The following ZBTB46 variants were observed in gnomAD, a reference collection of about 807,000 sequenced individuals.
The protein encoded by ZBTB46 is zinc finger and BTB domain containing 46.
Under a neutral mutation model 44.1 loss-of-function variants are expected in ZBTB46, and 8 were observed. That is an observed-to-expected ratio of 0.18 (90% CI 0.11 to 0.33). ZBTB46 has a LOEUF of 0.33. ZBTB46 is among the 10% of genes least tolerant of loss of function. ZBTB46 has a pLI of 1.00. For missense variants in ZBTB46, 651 were observed against 847.7 expected (o/e 0.77, Z 2.88); for synonymous variants, 409 against 382.3 (o/e 1.07, Z -0.81).
In ZBTB46 at chr20:63,790,987, C is replaced by T. The variant is rs2092556428; in HGVS notation, c.-33-197G>A. ...GCAGGGCAGCAAACACCGGAGGGCA[C>T]CAGTGCGTCCAGGGTGGGACGTCTG... is the stretch of plus-strand genomic sequence containing the variant. On this transcript the variant is annotated intron_variant, in intron 1 of 4. Transcript: ENST00000245663. 13 of 680,220 alleles carry T rather than the reference C, an allele frequency of 1.9e-5. 1 individual carries two copies. The East Asian group carries it at 3.9e-4, about 20-fold the overall frequency. The allele number at this position is 680,220 out of a possible 1,614,324, so 42.1% of individuals were successfully genotyped here.
chr20:63,823,909 T>C (rs1158299747), intron 1 of ZBTB46, among the ~76,000 whole-genome samples: 2 of 145,562 alleles, frequency 1.4e-5, no homozygotes, highest in African/African-American at 5.1e-5. Flanking sequence ...CTGCTCCGTT[T>C]TCTGTTTGTA....
rs200443092 is a variant in ZBTB46 at position 63,775,678 on chromosome 20, G to A, written c.1222C>T (p.Leu408=). The A allele has an allele frequency of 2.2e-5, 34 of 1,563,748 alleles. No homozygotes were observed. In the Admixed American group the frequency reaches 3.3e-4, roughly 15 times the overall value. The change falls in exon 3 of 5, where the codon CTG becomes TTG. Residue 408 remains leucine (L), a splice_region_variant and synonymous_variant. Transcript: ENST00000245663. ...YLPRGAHSLS[L]NEFTVIRKKF... Reference sequence around the variant, plus strand: ...AGCGGCCCCCAGGGCCTGCACTTACGGGACAGCGAGTGGGCCCCTCTGGGC... The same window carrying A: ...AGCGGCCCCCAGGGCCTGCACTTACAGGACAGCGAGTGGGCCCCTCTGGGC...
At chr20:63,768,948 G>GA (rs534255729) in intron 3 of ZBTB46, among the ~76,000 whole-genome samples, 1 of 152,130 alleles carries the variant, frequency 6.6e-6, no homozygotes, top group Non-Finnish European at 1.5e-5. Context: ...TACATTAAGG[G>GA]AAAAAAATTG....
chr20:63,800,577 G>A (rs2092635898), intron 1 of ZBTB46, among the ~76,000 whole-genome samples: 1 of 152,244 alleles, frequency 6.6e-6, no homozygotes, highest in African/African-American at 2.4e-5. Context: ...AGGCGTGGGC[G>A]GGAACCGGGG....
At chr20:63,809,823 C>T (rs2092707541) in intron 1 of ZBTB46, among the ~76,000 whole-genome samples, 2 of 151,956 alleles carry the variant, frequency 1.3e-5, no homozygotes, top group Admixed American at 1.3e-4. Flanking sequence ...ATTAGCCGGG[C>T]ATGGTGGTGC....
At chr20:63,747,510 CCA>C (rs2092113803) in intron 4 of ZBTB46, among the ~76,000 whole-genome samples, 6 of 18,418 alleles carry the variant, frequency 3.3e-4, no homozygotes, top group East Asian at 5.9e-3. Context: ...GGGAGGGGGG[CCA>C]GGGGGTGAGC....
rs1277071717 is a variant in ZBTB46 at position 63,747,508 on chromosome 20, GGC to G, written c.1399-209_1399-208del. ...AGGGCCCGGTGGAGGTTGGGAGGGG[GGC>G]CAGGGGGTGAGCAGGGCCTGGTGGG... On this transcript the variant is annotated intron_variant, in intron 4 of 4. Transcript: ENST00000245663. Among the ~76,000 whole-genome samples, 110 of 89,420 alleles carry G rather than the reference GGC, an allele frequency of 1.2e-3. 3 individuals are homozygous for G. The highest frequency in any genetic ancestry group is 3.8e-3 in the South Asian group (8 of 2,120). The allele number at this position is 89,420 out of a possible 152,430, so 58.7% of individuals were successfully genotyped here.
intron 3 of ZBTB46, among the ~76,000 whole-genome samples, chr20:63,761,642 C>G (rs1316812914): frequency 6.6e-6 from 1 of 151,890 alleles, no homozygotes; most frequent in East Asian, 1.9e-4. Context: ...ATTATCCAGG[C>G]GTGGTGGCCG....
chr20:63,831,467 C>T (rs2092852023), upstream of ZBTB46, among the ~76,000 whole-genome samples: 1 of 145,084 alleles, frequency 6.9e-6, no homozygotes, highest in Non-Finnish European at 1.5e-5. Flanking sequence ...GGCGCCGCGC[C>T]GCGGGGTCGC....
chr20:63,757,982 C>T (rs73622888), intron 3 of ZBTB46, among the ~76,000 whole-genome samples: 105 of 4,184 alleles, frequency 0.025, no homozygotes, highest in East Asian at 0.078. Context: ...TCCCTCCACC[C>T]GCCCATCCAA....
intron 1 of ZBTB46, among the ~76,000 whole-genome samples, chr20:63,825,164 AC>A (rs2092812974): frequency 6.6e-6 from 1 of 150,982 alleles, no homozygotes. Context: ...ACTTTGGGAG[AC>A]CGAGGCAGGC....
At chr20:63,810,782 G>A (rs1252304064) in intron 1 of ZBTB46, among the ~76,000 whole-genome samples, 2 of 152,110 alleles carry the variant, frequency 1.3e-5, no homozygotes, top group African/African-American at 2.4e-5. Context: ...AAACACAAAC[G>A]CGAGAACGTG....
chr20:63,769,211 C>G lies in ZBTB46; in HGVS notation c.1222+6467G>C, dbSNP rs926427179. On this transcript the variant is annotated intron_variant, in intron 3 of 4. Coordinates refer to ENST00000245663, the MANE Select transcript of ZBTB46 (RefSeq NM_001369741.1). ...GACACCATGCCCCAAGTGTTTGGCC[C>G]AGTTGCCCCAGACAAAGCTGGCCAC... 12 of 985,280 alleles carry G rather than the reference C, an allele frequency of 1.2e-5. No homozygotes were observed. In the Admixed American group the frequency reaches 1.8e-4, roughly 15 times the overall value. The allele number at this position is 985,280 out of a possible 1,614,324, so 61.0% of individuals were successfully genotyped here.
chr20:63,790,497 G>A lies in ZBTB46; in HGVS notation c.261C>T (p.Ile87=), dbSNP rs551063837. The A allele has an allele frequency of 1.5e-5, 24 of 1,613,174 alleles. No homozygotes were observed. The Admixed American group carries it at 1.5e-4, about 10-fold the overall frequency. Residue 87 remains isoleucine, a synonymous_variant, in exon 2 of 5, where the codon ATC becomes ATT. Coordinates refer to ENST00000245663, the MANE Select transcript of ZBTB46 (RefSeq NM_001369741.1). ...IVTAQGFKAI[I]DFMYSAHLAL... The stretch of plus-strand genomic sequence containing the variant: ...CCAGGTGCGCTGAGTACATGAAGTC[G>A]ATGATGGCCTTGAAGCCCTGGGCCG...
chr20:63,786,984 G>A (rs2315656), intron 2 of ZBTB46, among the ~76,000 whole-genome samples: 95,459 of 151,980 alleles, frequency 0.63, 29,947 homozygotes, highest in South Asian at 0.71. Flanking sequence ...GGGTCTGGCC[G>A]TAGCTCAGTG....
intron 3 of ZBTB46, among the ~76,000 whole-genome samples, chr20:63,758,476 G>A (rs913143570): frequency 2.6e-5 from 4 of 151,856 alleles, no homozygotes; most frequent in Non-Finnish European, 5.9e-5. Flanking sequence ...GGGCTGGTGG[G>A]CCTGCTATTC....
chr20:63,748,621 C>T (rs762779799), intron 4 of ZBTB46, among the ~76,000 whole-genome samples: 153 of 152,330 alleles, frequency 1.0e-3, no homozygotes, highest in Non-Finnish European at 1.3e-3. Flanking sequence ...CCCCTGGCCC[C>T]TGGCCAAGTC....
In ZBTB46 at chr20:63,752,969, C is replaced by T; in HGVS notation, c.1223-108G>A. ...GCCCAGCAGCCAGGACGGGCTGTCT[C>T]CCACGGCCACCCACTGGGGGCTGGT... On this transcript the variant is annotated intron_variant, in intron 3 of 4. Transcript: ENST00000245663. The surrounding 1 kb of genome is among the most constrained non-coding windows in gnomAD (Gnocchi z 5.6). 1 of 1,201,840 alleles carries T rather than the reference C, an allele frequency of 8.3e-7. No homozygotes were observed. The highest frequency in any genetic ancestry group is 1.1e-6 in the Non-Finnish European group (1 of 878,314). 74.4% of individuals were successfully genotyped at this position (1,201,840 alleles called of 1,614,324 possible).
At chr20:63,826,513 G>A (rs1568912781) in intron 1 of ZBTB46, among the ~76,000 whole-genome samples, 2 of 151,858 alleles carry the variant, frequency 1.3e-5, no homozygotes, top group Admixed American at 6.6e-5. Flanking sequence ...ATGAGGTCAG[G>A]AGATCGAGAC....
Sources: allele counts gnomAD v4.1 joint callset (sites outside exome capture counted in the v4.1 genomes callset), GRCh38; gene constraint gnomAD v4.1.1; non-coding constraint Gnocchi (gnomAD v3.1); transcripts MANE v1.5; gene names NCBI Gene and HGNC (gene_info 2026-07-23, HGNC 2026-07-21).